The following GBF1 variants were observed in gnomAD, a reference collection of about 807,000 sequenced individuals.
GBF1 encodes Golgi-specific brefeldin A-resistance guanine nucleotide exchange factor 1.
A neutral mutation model predicts 210.5 loss-of-function variants in GBF1; 114 were observed. The observed-to-expected ratio is 0.54, with a 90% CI of 0.47 to 0.63. The LOEUF (loss-of-function observed/expected upper bound fraction) is 0.63. Among genes scored for constraint, GBF1 ranks in the 30% least tolerant of loss-of-function variants. The pLI is 0.00. For missense variants in GBF1, 1,851 were observed against 2,357.7 expected, an observed-to-expected ratio of 0.79 and a Z score of 4.45; for synonymous variants, 850 against 889.2, an observed-to-expected ratio of 0.96 and a Z score of 0.78.
the GBF1 span, among the ~76,000 whole-genome samples, chr10:102,237,204 G>A: frequency 2.0e-5 from 3 of 152,130 alleles, no homozygotes; most frequent in Non-Finnish European, 4.4e-5. Flanking sequence ...ATGGAAAGAT[G>A]GACCGCATGG....
chr10:102,341,625 T>G (rs1429661708), intron 3 of GBF1, among the ~76,000 whole-genome samples: 1 of 152,154 alleles, frequency 6.6e-6, no homozygotes, highest in Non-Finnish European at 1.5e-5. Context: ...AACAAGCTAT[T>G]GATATATGCA....
rs779795660 is a variant in GBF1 at position 102,381,129 on chromosome 10, C to G, written c.5176C>G (p.Pro1726Ala). The G allele has an allele frequency of 6.2e-7, 1 of 1,613,764 alleles. No individual in the cohort carries two copies. Among genetic ancestry groups the G allele is most frequent in the Admixed American group, 1.7e-5 (1 of 60,004 alleles). Residue 1726 changes from proline to alanine, a missense_variant and splice_region_variant, in exon 39 of 40, where the codon CCC becomes GCC. By Grantham distance (27) the Pro-to-Ala change is conservative. Coordinates refer to ENST00000369983, the MANE Select transcript of GBF1 (RefSeq NM_001377137.1). The stretch of plus-strand genomic sequence containing the variant: ...TCTCAATTCTCTACCGTCTCCAGAC[C>G]CCATGCCCATGGAGCCTCAAGGCCA... ...ELFKQTVIQD[P>A]MPMEPQGQKP...
chr10:102,382,258 C>T lies in GBF1; in HGVS notation c.5505C>T (p.Leu1835=). The change falls in exon 40 of 40, where the codon CTC becomes CTT. Residue 1835 remains leucine (L), a synonymous_variant. Transcript: ENST00000369983. ...TGCCCATCATCCTCAACCCTGCGCTCATCGAGGCCACCTCACCAGTGCCCC... is the reference window on the plus strand; with the variant it reads ...TGCCCATCATCCTCAACCCTGCGCTTATCGAGGCCACCTCACCAGTGCCCC... ...MTLPIILNPA[L]IEATSPVPLL... is the part of the protein sequence containing the mutation. 1 of 1,614,056 alleles carries T rather than the reference C, an allele frequency of 6.2e-7. No homozygotes were observed. Among genetic ancestry groups the T allele is most frequent in the Non-Finnish European group, 8.5e-7 (1 of 1,179,918 alleles).
At position 102,363,540 on chromosome 10, in the gene GBF1, CAT is replaced by C. The variant is rs2059732739; in HGVS notation, c.2017+147_2017+148del. ...TCAGACTCAGAGAGAGGGAAGCAAA[CAT>C]ATGGACCCTCAGTTGATAGGACTTC... On this transcript the variant is annotated intron_variant, in intron 16 of 39. Transcript: ENST00000369983. This position sits in a 1 kb window ranked among gnomAD's most constrained non-coding sequence, Gnocchi z 4.2. The C allele has an allele frequency of 1.1e-6, 1 of 873,978 alleles. No homozygotes were observed. The highest frequency in any genetic ancestry group is 1.7e-5 in the African/African-American group (1 of 59,474). The allele number at this position is 873,978 out of a possible 1,614,324, so 54.1% of individuals were successfully genotyped here.
chr10:102,268,011 C>T (rs1191601858), intron 3 of GBF1, among the ~76,000 whole-genome samples: 3 of 151,852 alleles, frequency 2.0e-5, no homozygotes, highest in Non-Finnish European at 4.4e-5. Flanking sequence ...TCTTTTTTTC[C>T]CCAGGGACTA....
upstream of GBF1, among the ~76,000 whole-genome samples, chr10:102,240,624 C>G (rs1259087260): frequency 6.6e-6 from 1 of 152,206 alleles, no homozygotes; most frequent in Non-Finnish European, 1.5e-5. Flanking sequence ...AGACCCACTT[C>G]GCTACCCGGA....
the GBF1 span, chr10:102,231,498 G>C: frequency 4.7e-6 from 4 of 845,342 alleles, no homozygotes; most frequent in Non-Finnish European, 5.6e-6. Context: ...CCGAGGGAGG[G>C]GGCAGGTGGG....
chr10:102,330,426 A>C (rs1371948876), intron 3 of GBF1, among the ~76,000 whole-genome samples: 1 of 152,058 alleles, frequency 6.6e-6, no homozygotes, highest in Admixed American at 6.6e-5. Flanking sequence ...GCTCACACCT[A>C]TAATCCCAGC....
chr10:102,303,781 A>G (rs1188125295), intron 3 of GBF1, among the ~76,000 whole-genome samples: 1 of 152,200 alleles, frequency 6.6e-6, no homozygotes, highest in Non-Finnish European at 1.5e-5. Context: ...ATAAATCTCA[A>G]TATACAAAGC....
Position 102,361,880 on chromosome 10 carries a change from C to G in GBF1, c.1654C>G (p.Leu552Val), listed in dbSNP as rs774202697. The change falls in exon 14 of 40, where the codon CTC (leucine) becomes GTC (valine). Residue 552 changes from leucine (L) to valine (V), a missense_variant. Transcript: ENST00000369983. The part of the protein sequence containing the change: ...NYDCDYYCSN[L>V]FEELTKLLSK... ...TGATTGTGACTACTACTGTTCCAAC[C>G]TCTTTGAGGAACTCACAAAGCTGCT... 2 of 1,608,916 alleles carry G rather than the reference C, an allele frequency of 1.2e-6. No homozygotes were observed. The highest frequency in any genetic ancestry group is 1.7e-6 in the Non-Finnish European group (2 of 1,177,648).
rs767796730 is a variant in GBF1, at chr10:102,375,374, C to T, written c.3676C>T (p.Arg1226Cys). 19 of 1,610,916 alleles carry T rather than the reference C, an allele frequency of 1.2e-5. No individual in the cohort carries two copies. The highest frequency in any genetic ancestry group is 2.2e-5 in the East Asian group (1 of 44,854). ...CCCACTCCAGGTGCTGCTCTCCCTG[C>T]GCATTTTGCTACTGATGAAGCCCAG... Reference protein sequence around the residue: ...EISAQVLLSLRILLLMKPSVL... With the variant: ...EISAQVLLSLCILLLMKPSVL... The change falls in exon 30 of 40, where the codon CGC becomes TGC. Residue 1226 changes from arginine to cysteine, a missense_variant. Physicochemically the swap from Arg to Cys is radical, Grantham distance 180. Transcript: ENST00000369983.
intron 6 of GBF1, among the ~76,000 whole-genome samples, 198 bp from the exon 7 acceptor site, chr10:102,352,260 T>C (rs2059034215): frequency 6.6e-6 from 1 of 151,972 alleles, no homozygotes; most frequent in African/African-American, 2.4e-5. Context: ...CATCTATACC[T>C]CCCCTTTTTT....
the GBF1 span, chr10:102,231,526 C>T: frequency 3.5e-6 from 4 of 1,155,256 alleles, no homozygotes; most frequent in African/African-American, 3.1e-5. Flanking sequence ...CGCTGGCCTC[C>T]GGGTCGCAGG....
At chr10:102,330,600 C>A (rs2057268167) in intron 3 of GBF1, among the ~76,000 whole-genome samples, 1 of 151,940 alleles carries the variant, frequency 6.6e-6, no homozygotes, top group African/African-American at 2.4e-5. Context: ...GCAGGAGAAT[C>A]GCTTGAACTC....
chr10:102,271,204 ATTT>A (rs968364742), intron 3 of GBF1, among the ~76,000 whole-genome samples: 10 of 151,834 alleles, frequency 6.6e-5, no homozygotes, highest in African/African-American at 2.2e-4. Context: ...CGCCCGGCTA[ATTT>A]TTTGTATTTT....
intron 4 of GBF1, among the ~76,000 whole-genome samples, chr10:102,347,569 G>C (rs1309747392): frequency 1.3e-5 from 2 of 152,206 alleles, no homozygotes; most frequent in African/African-American, 4.8e-5. Flanking sequence ...CCTGTGGTGG[G>C]AAAGGAGAAT....
chr10:102,232,170 C>A, the GBF1 span: 1 of 802,150 alleles, frequency 1.2e-6, no homozygotes, highest in South Asian at 1.4e-5. Context: ...AGCGTTTCCT[C>A]GTAAATTCCC....
intron 29 of GBF1, among the ~76,000 whole-genome samples, chr10:102,374,758 AT>A (rs2060401153): frequency 6.6e-6 from 1 of 152,232 alleles, no homozygotes; most frequent in Non-Finnish European, 1.5e-5. Context: ...CTTGATTATG[AT>A]ATTATACTAT....
chr10:102,314,867 C>A (rs751631888), intron 3 of GBF1, among the ~76,000 whole-genome samples: 1 of 152,182 alleles, frequency 6.6e-6, no homozygotes, highest in Non-Finnish European at 1.5e-5. Flanking sequence ...TCAGGCAAGT[C>A]TGACATTTGT....
Sources: gnomAD v4.1 joint callset for allele counts (sites outside exome capture counted in the v4.1 genomes callset) on GRCh38, gnomAD v4.1.1 for gene constraint, Gnocchi (gnomAD v3.1) non-coding constraint, MANE v1.5 for transcripts, NCBI Gene and HGNC (gene_info 2026-07-23, HGNC 2026-07-21) for gene names.